The following GLG1 variants were observed in gnomAD, a reference collection of about 807,000 sequenced individuals.
GLG1 encodes golgi glycoprotein 1, also known as Golgi apparatus protein 1.
In GLG1, 38 loss-of-function variants were observed where a neutral mutation model predicts 160.5. The ratio of observed to expected loss-of-function variants is 0.24; its 90% CI spans 0.18 to 0.31. The LOEUF is 0.31. Among genes scored for constraint, GLG1 ranks in the 10% least tolerant of loss-of-function variants. GLG1 has a pLI of 1.00. For synonymous variants in GLG1, 644 were observed against 543.4 expected, an observed-to-expected ratio of 1.19 and a Z score of -2.57; for missense variants, 1,373 against 1,505.2, an observed-to-expected ratio of 0.91 and a Z score of 1.45.
intron 20 of GLG1, 82 bp downstream of exon 20, chr16:74,463,274 G>A: frequency 5.1e-6 from 7 of 1,362,964 alleles, no homozygotes; most frequent in Middle Eastern, 2.1e-4. Context: ...AAAGCCCTGG[G>A]AGTTTGAGCA....
chr16:74,489,178 A>G (rs189719187), intron 8 of GLG1, among the ~76,000 whole-genome samples: 1 of 152,050 alleles, frequency 6.6e-6, no homozygotes, highest in African/African-American at 2.4e-5. Flanking sequence ...CTCAGTAAAA[A>G]GACAGGTTTA....
chr16:74,600,744 A>AAC (rs1555521593), intron 1 of GLG1, among the ~76,000 whole-genome samples: 3 of 150,834 alleles, frequency 2.0e-5, no homozygotes, highest in African/African-American at 7.3e-5. Flanking sequence ...AAAAAAAAAA[A>AAC]AAAAAAAAAA....
At chr16:74,509,330 A>G (rs2016725434) in intron 2 of GLG1, among the ~76,000 whole-genome samples, 1 of 152,038 alleles carries the variant, frequency 6.6e-6, no homozygotes, top group Admixed American at 6.6e-5. Context: ...TTAAAAAGTC[A>G]AGAAAAAATG....
At chr16:74,585,417 A>G (rs1460438526) in intron 1 of GLG1, among the ~76,000 whole-genome samples, 2 of 152,104 alleles carry the variant, frequency 1.3e-5, no homozygotes, top group Non-Finnish European at 2.9e-5. Flanking sequence ...TCAAAAAAAC[A>G]AAAAAGAGGC....
chr16:74,550,962 C>A (rs1043783700), intron 1 of GLG1, among the ~76,000 whole-genome samples: 19 of 152,146 alleles, frequency 1.2e-4, no homozygotes, highest in Non-Finnish European at 2.6e-4. Flanking sequence ...ATCAAATAAG[C>A]TGATCTAATG....
Position 74,451,901 on chromosome 16 carries a change from C to T in GLG1, c.*1266G>A. ...GAATCGCCAAAATACAACATTTAGC[C>T]AATGCCTACTAGAGTGGGTACACGC... On this transcript the variant is annotated 3_prime_UTR_variant, in exon 26 of 26. Transcript: ENST00000422840. 1.6e-6 allele frequency: 1 copy of T among 616,714 alleles called. No homozygotes were observed. Among genetic ancestry groups the T allele is most frequent in the African/African-American group, 1.8e-5 (1 of 54,200 alleles). The allele number at this position is 616,714 out of a possible 1,614,324, so 38.2% of individuals were successfully genotyped here. A position where few individuals can be genotyped will look rare whatever the true frequency, so the allele number is the denominator to read the frequency against.
intron 7 of GLG1, among the ~76,000 whole-genome samples, chr16:74,492,520 TAAA>T (rs11315636): frequency 6.8e-6 from 1 of 146,456 alleles, no homozygotes; most frequent in Non-Finnish European, 1.5e-5. Context: ...TCATCTCTAT[TAAA>T]AAAAAAAAAA....
At chr16:74,579,586 G>C (rs760457523) in intron 1 of GLG1, among the ~76,000 whole-genome samples, 1 of 152,158 alleles carries the variant, frequency 6.6e-6, no homozygotes, top group East Asian at 1.9e-4. Context: ...GCCAGGTGTA[G>C]TGGCACACAC....
chr16:74,552,403 G>A (rs2018226082), intron 1 of GLG1: 2 of 573,206 alleles, frequency 3.5e-6, no homozygotes, highest in Non-Finnish European at 6.8e-6. Flanking sequence ...AGGCCATGCA[G>A]TCTCTCAAGT....
intron 1 of GLG1, among the ~76,000 whole-genome samples, chr16:74,598,548 A>G (rs527358416): frequency 4.5e-4 from 68 of 150,612 alleles, no homozygotes; most frequent in African/African-American, 1.6e-3. Context: ...GAAAGAAGAA[A>G]AATTAATTTA....
chr16:74,539,338 T>C (rs961164897), intron 1 of GLG1, among the ~76,000 whole-genome samples: 2 of 152,058 alleles, frequency 1.3e-5, no homozygotes, highest in African/African-American at 4.8e-5. Context: ...GTTTTAAAGA[T>C]AGACGGGGAA....
intron 1 of GLG1, among the ~76,000 whole-genome samples, chr16:74,582,823 A>C (rs933492594): frequency 6.8e-6 from 1 of 148,008 alleles, no homozygotes; most frequent in Non-Finnish European, 1.5e-5. Flanking sequence ...TCCTTCTCAA[A>C]AAAATAAATA....
chr16:74,540,320 T>C (rs562333188), intron 1 of GLG1, among the ~76,000 whole-genome samples: 1 of 149,598 alleles, frequency 6.7e-6, no homozygotes, highest in African/African-American at 2.5e-5. Flanking sequence ...TTATAAAATG[T>C]AAATTACAAA....
intron 1 of GLG1, among the ~76,000 whole-genome samples, chr16:74,591,552 C>T (rs913435493): frequency 2.0e-5 from 3 of 151,876 alleles, no homozygotes; most frequent in Middle Eastern, 3.2e-3. Flanking sequence ...GGCCTGAACC[C>T]GGGAGGCGGA....
At chr16:74,478,655 T>C (rs539363136) in intron 11 of GLG1, among the ~76,000 whole-genome samples, 65 of 152,258 alleles carry the variant, frequency 4.3e-4, no homozygotes, top group South Asian at 1.9e-3. Flanking sequence ...CTCACACCTG[T>C]AATCCCAGCT....
chr16:74,473,261 G>A (rs183001774), intron 13 of GLG1, among the ~76,000 whole-genome samples: 3 of 151,374 alleles, frequency 2.0e-5, no homozygotes, highest in African/African-American at 4.9e-5. Flanking sequence ...TGGCCCAGGC[G>A]GGAGTGCAAT....
At chr16:74,513,061 G>A (rs1161112178) in intron 2 of GLG1, among the ~76,000 whole-genome samples, 1 of 152,080 alleles carries the variant, frequency 6.6e-6, no homozygotes, top group Non-Finnish European at 1.5e-5. Flanking sequence ...GATGAGATGG[G>A]GCGCAGGGGT....
At chr16:74,523,433 ACT>A (rs1408681646) in intron 2 of GLG1, among the ~76,000 whole-genome samples, 1 of 152,040 alleles carries the variant, frequency 6.6e-6, no homozygotes, top group Non-Finnish European at 1.5e-5. Context: ...TGTTACAGGT[ACT>A]CTGTGTTTCC....
chr16:74,540,585 C>T (rs1039452200), intron 1 of GLG1, among the ~76,000 whole-genome samples: 1 of 151,468 alleles, frequency 6.6e-6, no homozygotes, highest in African/African-American at 2.4e-5. Context: ...GTTTTTAAGT[C>T]TGCTGGGACT....
Sources: allele counts gnomAD v4.1 joint callset (sites outside exome capture counted in the v4.1 genomes callset), GRCh38; gene constraint gnomAD v4.1.1; transcripts MANE v1.5; gene names NCBI Gene and HGNC (gene_info 2026-07-23, HGNC 2026-07-21).